SKP2: variants seen among roughly 807,000 people sequenced by gnomAD.
SKP2 encodes S-phase kinase-associated protein 2.
Under a neutral mutation model 51.8 loss-of-function variants are expected in SKP2, and 16 were observed. The observed-to-expected ratio is 0.31, with a 90% CI of 0.21 to 0.47. The LOEUF is 0.47. Ranked by LOEUF, SKP2 falls within the 20% of genes least tolerant of loss-of-function variation. The probability of loss-of-function intolerance (pLI) is 1.00; values close to 1 mark genes in which losing one functional copy is unlikely to be tolerated. For missense variants in SKP2, 377 were observed against 505.3 expected (o/e 0.75, Z 2.43); for synonymous variants, 176 against 198.6 (o/e 0.89, Z 0.96).
intron 2 of SKP2, among the ~76,000 whole-genome samples, chr5:36,156,339 A>C (rs1029174994): frequency 7.9e-5 from 12 of 152,212 alleles, no homozygotes; most frequent in Non-Finnish European, 1.3e-4. Flanking sequence ...TAGCTTTGCC[A>C]GGATTAGGGT....
chr5:36,172,102 C>T (rs1031782552), intron 7 of SKP2, among the ~76,000 whole-genome samples: 7 of 152,112 alleles, frequency 4.6e-5, no homozygotes, highest in Admixed American at 6.5e-5. Context: ...TTTGTCTGTA[C>T]GGGGACATTT....
In SKP2 at chr5:36,158,424, A is replaced by G. The variant is rs574278761; in HGVS notation, c.281-5221A>G. 3.9e-5 allele frequency among the ~76,000 whole-genome samples: 6 copies of G among 152,332 alleles called. No homozygotes were observed. In the South Asian group the frequency reaches 1.2e-3, roughly 32 times the overall value. On this transcript the variant is annotated intron_variant, in intron 2 of 9. Coordinates refer to ENST00000274255, the MANE Select transcript of SKP2 (RefSeq NM_005983.4). ...GCCCCATCTGCTGGGACAGCAGCCC[A>G]TATCAGGCTGTGGTACCCCCACCCG...
chr5:36,186,145 G>A (rs10069006), downstream of SKP2, among the ~76,000 whole-genome samples: 7,741 of 152,276 alleles, frequency 0.051, 427 homozygotes, highest in South Asian at 0.22. Context: ...AGCTTAAGGA[G>A]ATTTTGGCTG....
At chr5:36,180,754 AAGAC>A (rs1236485028) in intron 9 of SKP2, among the ~76,000 whole-genome samples, 1 of 152,214 alleles carries the variant, frequency 6.6e-6, no homozygotes, top group Non-Finnish European at 1.5e-5. Flanking sequence ...AGAAGGAAGA[AAGAC>A]AGTTATAAGG....
intron 2 of SKP2, among the ~76,000 whole-genome samples, chr5:36,154,345 G>A (rs539481440): frequency 2.0e-5 from 3 of 152,174 alleles, no homozygotes; most frequent in South Asian, 4.2e-4. Context: ...TAAATGTGAC[G>A]TATTTGTTCC....
chr5:36,181,972 A>G lies in SKP2; in HGVS notation c.1216A>G (p.Asn406Asp), dbSNP rs1745825074. Residue 406 changes from asparagine to aspartate, a missense_variant, in exon 10 of 10, where the codon AAC becomes GAC. Physicochemically the swap from Asn to Asp is conservative, Grantham distance 23. Around this residue, in one of 2 missense-constraint regions of SKP2, gnomAD observed 262 missense variants for 389.8 expected, o/e 0.67. Coordinates refer to ENST00000274255, the MANE Select transcript of SKP2 (RefSeq NM_005983.4). ...CAGGCCAACTATTGGCAACAAAAAG[A>G]ACCAGGAGATATGGGGCATCAAATG... ...IARPTIGNKKNQEIWGIKCRL... is the reference protein window; with the variant it reads ...IARPTIGNKKDQEIWGIKCRL... 2 of 1,614,182 alleles carry G rather than the reference A, an allele frequency of 1.2e-6. No homozygotes were observed. Among genetic ancestry groups the G allele is most frequent in the Non-Finnish European group, 1.7e-6 (2 of 1,180,012 alleles).
chr5:36,171,786 A>G, intron 7 of SKP2, 53 bp downstream of exon 7: 1 of 1,567,718 alleles, frequency 6.4e-7, no homozygotes. Flanking sequence ...AATAGATGAG[A>G]TTCATTGAGC....
In SKP2 at chr5:36,153,045, A is replaced by AAGGACAT. The variant is rs770455142; in HGVS notation, c.280+4_280+10dup. 1 of 1,613,536 alleles carries AAGGACAT rather than the reference A, an allele frequency of 6.2e-7. No individual in the cohort carries two copies. Among genetic ancestry groups the AAGGACAT allele is most frequent in the South Asian group, 1.1e-5 (1 of 91,056 alleles). On this transcript the variant is annotated splice_donor_region_variant and intron_variant, in intron 2 of 9. Transcript: ENST00000274255. The stretch of plus-strand genomic sequence containing the variant: ...GCTAAATCGAGAGAACTTTCCAGGT[A>AAGGACAT]AGGACATGAGGGTAAAAATGTCAGT...
downstream of SKP2, among the ~76,000 whole-genome samples, chr5:36,186,727 G>A (rs1334323209): frequency 1.3e-5 from 2 of 151,970 alleles, no homozygotes; most frequent in African/African-American, 2.4e-5. Flanking sequence ...GTCTCTGCCC[G>A]GCTTTGGTAT....
intron 2 of SKP2, among the ~76,000 whole-genome samples, chr5:36,154,132 C>T (rs1744862992): frequency 6.6e-6 from 1 of 151,940 alleles, no homozygotes; most frequent in African/African-American, 2.4e-5. Context: ...TGGCTAAAAA[C>T]AAAAATAGAA....
intron 7 of SKP2, among the ~76,000 whole-genome samples, chr5:36,174,872 G>A (rs1284544234): frequency 6.6e-6 from 1 of 152,104 alleles, no homozygotes; most frequent in Non-Finnish European, 1.5e-5. Flanking sequence ...CCTTGATATG[G>A]AACCAATGTG....
chr5:36,164,263 T>G (rs1266930566), intron 3 of SKP2, among the ~76,000 whole-genome samples: 1 of 152,088 alleles, frequency 6.6e-6, no homozygotes, highest in Non-Finnish European at 1.5e-5. Flanking sequence ...AAACCACTGG[T>G]TATGAGGATG....
Position 36,183,699 on chromosome 5 carries a change from A to C in SKP2, c.*1668A>C. The C allele has an allele frequency of 7.8e-7, 1 of 1,277,366 alleles. No homozygotes were observed. Among genetic ancestry groups the C allele is most frequent in the South Asian group, 3.5e-5 (1 of 28,570 alleles). The allele number at this position is 1,277,366 out of a possible 1,614,324, so 79.1% of individuals were successfully genotyped here. On this transcript the variant is annotated 3_prime_UTR_variant, in exon 10 of 10. Transcript: ENST00000274255. ...TTTTTTTTTAAATCAAAAATTGTTA[A>C]TGTTAGAAACATACTATGAAGTGCC...
chr5:36,163,802 G>A, intron 3 of SKP2, 46 bp downstream of exon 3: 1 of 1,264,596 alleles, frequency 7.9e-7, no homozygotes, highest in Non-Finnish European at 1.2e-6. Context: ...AGGAAGAGGA[G>A]AGGAAGGTTA....
chr5:36,153,290 G>T (rs1554084232), intron 2 of SKP2, among the ~76,000 whole-genome samples: 1 of 151,554 alleles, frequency 6.6e-6, no homozygotes, highest in Non-Finnish European at 1.5e-5. Flanking sequence ...CCCATGAGAA[G>T]ACATTCCTGC....
chr5:36,158,650 C>T (rs750519868), intron 2 of SKP2, among the ~76,000 whole-genome samples: 60 of 152,312 alleles, frequency 3.9e-4, no homozygotes, highest in Admixed American at 9.8e-4. Flanking sequence ...ATAGCAAGTC[C>T]GGGTTTAATT....
chr5:36,177,078 G>T (rs1000251232), intron 8 of SKP2, 62 bp downstream of exon 8: 7 of 1,366,514 alleles, frequency 5.1e-6, no homozygotes, highest in African/African-American at 2.9e-5. Flanking sequence ...TCATTAAATT[G>T]GGAAAGGATC....
intron 2 of SKP2, among the ~76,000 whole-genome samples, 178 bp downstream of exon 2, chr5:36,153,220 A>ATATATATATATATATATATATATATG (rs1211855219): frequency 1.6e-3 from 6 of 3,674 alleles, no homozygotes; most frequent in African/African-American, 3.0e-3. Flanking sequence ...GTAGATATAT[A>ATATATATATATATATATATATATATG]TATATATATA....
rs1280437641 is a variant in SKP2, at chr5:36,168,104, G to T, written c.537-209G>T. ...TATATTGGCAGCAACATCTGTACTT[G>T]GCAAAAATCCTCTTGCATTTTAAAA... On this transcript the variant is annotated intron_variant, in intron 4 of 9. Transcript: ENST00000274255. Among the ~76,000 whole-genome samples, 4 of 152,104 alleles carry T rather than the reference G, an allele frequency of 2.6e-5. No individual in the cohort carries two copies. The East Asian group carries it at 7.7e-4, about 29-fold the overall frequency.
Sources: allele counts gnomAD v4.1 joint callset (sites outside exome capture counted in the v4.1 genomes callset), GRCh38; gene constraint gnomAD v4.1.1; regional missense constraint gnomAD v4.1.1; transcripts MANE v1.5; gene names NCBI Gene and HGNC (gene_info 2026-07-23, HGNC 2026-07-21).